Variants in CAMLG observed in about 807,000 individuals in gnomAD.
CAMLG encodes the protein calcium modulating ligand.
Under a neutral mutation model 28.9 loss-of-function variants are expected in CAMLG, and 23 were observed. The observed-to-expected ratio is 0.80, with a 90% CI of 0.57 to 1.13. The LOEUF is 1.13. Among genes scored for constraint, CAMLG ranks in the 50% most tolerant of loss-of-function variants. The pLI, the probability that CAMLG is intolerant of heterozygous loss-of-function variation, is 0.00. For missense variants in CAMLG, 367 were observed against 371.9 expected (o/e 0.99, Z 0.11); for synonymous variants, 141 against 146.5 (o/e 0.96, Z 0.27).
chr5:134,749,185 A>G (rs1009261654), intron 3 of CAMLG, among the ~76,000 whole-genome samples: 5 of 151,352 alleles, frequency 3.3e-5, no homozygotes, highest in African/African-American at 4.9e-5. Flanking sequence ...CTCCTGCCTC[A>G]GGCTCCCAAG....
Position 134,741,214 on chromosome 5 carries a change from C to A in CAMLG, c.324C>A (p.Thr108=), listed in dbSNP as rs1333517671. The change falls in exon 2 of 4, where the codon ACC becomes ACA. Residue 108 remains threonine, a synonymous_variant. Coordinates refer to ENST00000297156, the MANE Select transcript of CAMLG (RefSeq NM_001745.4). ...QQGGVAEVKG[T]QLGDKLDSFI... ...GTGGTGTGGCCGAGGTAAAGGGGAC[C>A]CAACTGGGAGACAAATTGGACTCGT... is the stretch of plus-strand genomic sequence containing the variant. The A allele has an allele frequency of 2.5e-6, 4 of 1,614,100 alleles. No homozygotes were observed. In the South Asian group the frequency reaches 4.4e-5, roughly 18 times the overall value.
At chr5:134,744,272 C>G (rs186610328) in intron 3 of CAMLG, among the ~76,000 whole-genome samples, 1 of 152,144 alleles carries the variant, frequency 6.6e-6, no homozygotes, top group Non-Finnish European at 1.5e-5. Context: ...GCCTGTAATC[C>G]CCACACTCTA....
chr5:134,741,167 A>C lies in CAMLG; in HGVS notation c.277A>C (p.Thr93Pro), dbSNP rs1300474025. ...KRVVLGDSVS[T>P]GTTDQQGGVA... Reference sequence around the variant, plus strand: ...AGTAGTGCTGGGTGATTCAGTCAGTACAGGAACAACTGACCAGCAGGGTGG... The same window carrying C: ...AGTAGTGCTGGGTGATTCAGTCAGTCCAGGAACAACTGACCAGCAGGGTGG... The change falls in exon 2 of 4, where the codon ACA (threonine) becomes CCA (proline). Residue 93 changes from threonine (T) to proline (P), a missense_variant. Transcript: ENST00000297156. The C allele has an allele frequency of 6.2e-7, 1 of 1,613,842 alleles. No individual in the cohort carries two copies. The highest frequency in any genetic ancestry group is 8.5e-7 in the Non-Finnish European group (1 of 1,179,810).
intron 1 of CAMLG, among the ~76,000 whole-genome samples, chr5:134,740,798 C>G (rs1031790495): frequency 3.3e-5 from 5 of 152,092 alleles, no homozygotes; most frequent in African/African-American, 1.2e-4. Flanking sequence ...TTAGTAGAGA[C>G]GGGGTTTCAC....
rs772770552 is a variant in CAMLG at position 134,741,401 on chromosome 5, A to T, written c.511A>T (p.Ser171Cys). 6.2e-7 allele frequency: 1 copy of T among 1,614,098 alleles called. No homozygotes were observed. The highest frequency in any genetic ancestry group is 8.5e-7 in the Non-Finnish European group (1 of 1,179,894). The change falls in exon 2 of 4, where the codon AGT (serine) becomes TGT (cysteine). Residue 171 changes from serine (S) to cysteine (C), a missense_variant. Ser to Cys is a moderately radical substitution (Grantham distance 112). Coordinates refer to ENST00000297156, the MANE Select transcript of CAMLG (RefSeq NM_001745.4). The stretch of plus-strand genomic sequence containing the variant: ...AATGAAGCTAAGGAAACAGCTGATT[A>T]GTGAAAAACCCAGTCAAGAGGATGG... ...EAMKLRKQLI[S>C]EKPSQEDGNT...
In CAMLG at chr5:134,741,374, G is replaced by A. The variant is rs558413025; in HGVS notation, c.484G>A (p.Ala162Thr). The A allele has an allele frequency of 5.6e-6, 9 of 1,614,254 alleles. No individual in the cohort carries two copies. The highest frequency in any genetic ancestry group is 5.5e-5 in the South Asian group (5 of 91,092). Residue 162 changes from alanine to threonine, a missense_variant, in exon 2 of 4, where the codon GCA becomes ACA. Transcript: ENST00000297156. ...LEQYLSRFEEAMKLRKQLISE... is the reference protein window; with the variant it reads ...LEQYLSRFEETMKLRKQLISE... The stretch of plus-strand genomic sequence containing the variant: ...GCAGTACCTTTCCAGATTCGAAGAA[G>A]CAATGAAGCTAAGGAAACAGCTGAT...
chr5:134,740,950 T>A, intron 1 of CAMLG, 113 bp from the exon 2 acceptor site: 1 of 707,882 alleles, frequency 1.4e-6, no homozygotes, highest in Non-Finnish European at 2.3e-6. Context: ...TTTATTTATT[T>A]TGATGCAGAG....
chr5:134,747,293 C>T (rs777237503), intron 3 of CAMLG, among the ~76,000 whole-genome samples: 9 of 151,994 alleles, frequency 5.9e-5, no homozygotes, highest in Admixed American at 3.9e-4. Context: ...GTGTACACAT[C>T]GGTATACCTC....
chr5:134,750,668 G>A (rs767873093), intron 3 of CAMLG, 91 bp from the exon 4 acceptor site: 251 of 759,218 alleles, frequency 3.3e-4, no homozygotes, highest in Admixed American at 2.5e-3. Flanking sequence ...AAATCATTTC[G>A]GTTAAAAACA....
At chr5:134,740,029 C>T (rs906488652) in intron 1 of CAMLG, among the ~76,000 whole-genome samples, 2 of 151,980 alleles carry the variant, frequency 1.3e-5, no homozygotes, top group Non-Finnish European at 2.9e-5. Flanking sequence ...GTGTACACCA[C>T]CATGCCTGGC....
intron 3 of CAMLG, 71 bp downstream of exon 3, chr5:134,744,123 T>A: frequency 2.0e-5 from 14 of 702,664 alleles, no homozygotes; most frequent in Non-Finnish European, 3.3e-5. Context: ...TTGAAGGAAC[T>A]TAAAAATGTT....
At chr5:134,745,905 G>A (rs1390358610) in intron 3 of CAMLG, among the ~76,000 whole-genome samples, 3 of 151,762 alleles carry the variant, frequency 2.0e-5, no homozygotes, top group Non-Finnish European at 4.4e-5. Flanking sequence ...TTGGGAGGCC[G>A]AGGCGGGCGG....
chr5:134,747,567 C>T (rs907277496), intron 3 of CAMLG, among the ~76,000 whole-genome samples: 2 of 151,488 alleles, frequency 1.3e-5, no homozygotes, highest in African/African-American at 2.4e-5. Context: ...AGGATGGTCT[C>T]GATCTCCTGA....
intron 1 of CAMLG, among the ~76,000 whole-genome samples, chr5:134,740,800 G>A (rs1752972960): frequency 6.6e-6 from 1 of 152,116 alleles, no homozygotes; most frequent in African/African-American, 2.4e-5. Flanking sequence ...AGTAGAGACG[G>A]GGTTTCACCA....
chr5:134,738,617 G>C lies in CAMLG; in HGVS notation c.-4G>C, dbSNP rs181306113. On this transcript the variant is annotated 5_prime_UTR_variant, in exon 1 of 4. Transcript: ENST00000297156. The stretch of plus-strand genomic sequence containing the variant: ...GCCACCCCTCCCAGACTGTGGACGG[G>C]AGGATGGAGTCGATGGCCGTCGCTA... The C allele has an allele frequency of 2.4e-4, 391 of 1,609,968 alleles. No homozygotes were observed. The highest frequency in any genetic ancestry group is 8.6e-4 in the Admixed American group (51 of 59,000).
chr5:134,749,966 A>G (rs765349358), intron 3 of CAMLG, among the ~76,000 whole-genome samples: 1 of 152,184 alleles, frequency 6.6e-6, no homozygotes, highest in Non-Finnish European at 1.5e-5. Flanking sequence ...CGGCATCCCA[A>G]AGTGCTGGGA....
At chr5:134,738,873 C>A in intron 1 of CAMLG, 81 bp downstream of exon 1, 7 of 1,365,330 alleles carry the variant, frequency 5.1e-6, no homozygotes, top group Non-Finnish European at 7.2e-6. Flanking sequence ...CACCTCCACT[C>A]CTCTGACCTT....
chr5:134,750,683 T>C, intron 3 of CAMLG, 76 bp from the exon 4 acceptor site: 2 of 974,856 alleles, frequency 2.1e-6, no homozygotes, highest in Non-Finnish European at 3.1e-6. Flanking sequence ...AAAACAGCAG[T>C]ACTGATCATG....
rs753097323 is a variant in CAMLG, at chr5:134,744,061, AT to A, written c.699+17del. 1.6e-5 allele frequency: 20 copies of A among 1,262,662 alleles called. No individual in the cohort carries two copies. The highest frequency in any genetic ancestry group is 1.5e-5 in the Non-Finnish European group (13 of 874,492). 78.2% of individuals were successfully genotyped at this position (1,262,662 alleles called of 1,614,324 possible). A position where few individuals can be genotyped will look rare whatever the true frequency, so the allele number is the denominator to read the frequency against. ...ACAAATATTTTCCCAAGGTAAATTA[AT>A]TTTTTTTCTAAATTTCGATGATGTG... is the stretch of plus-strand genomic sequence containing the variant. On this transcript the variant is annotated intron_variant, in intron 3 of 3. Coordinates refer to ENST00000297156, the MANE Select transcript of CAMLG (RefSeq NM_001745.4).
Sources: allele counts gnomAD v4.1 joint callset (sites outside exome capture counted in the v4.1 genomes callset), GRCh38; gene constraint gnomAD v4.1.1; transcripts MANE v1.5; gene names NCBI Gene and HGNC (gene_info 2026-07-23, HGNC 2026-07-21).